PARP15: variants seen among roughly 807,000 people sequenced by gnomAD.
The protein encoded by PARP15 is poly(ADP-ribose) polymerase family member 15.
Under a neutral mutation model 62.1 loss-of-function variants are expected in PARP15, and 50 were observed. The observed-to-expected ratio is 0.81, with a 90% CI of 0.64 to 1.02. The LOEUF (loss-of-function observed/expected upper bound fraction) is 1.02. Ranked by LOEUF, PARP15 falls within the 50% of genes least tolerant of loss-of-function variation. The probability of loss-of-function intolerance (pLI) is 0.00; values close to 1 mark genes in which losing one functional copy is unlikely to be tolerated. For synonymous variants in PARP15, 309 were observed against 293.1 expected, an observed-to-expected ratio of 1.05 and a Z score of -0.55; for missense variants, 820 against 826.5, an observed-to-expected ratio of 0.99 and a Z score of 0.10.
At chr3:122,595,762 AG>A (rs1314362470) in intron 1 of PARP15, among the ~76,000 whole-genome samples, 5 of 152,088 alleles carry the variant, frequency 3.3e-5, no homozygotes, top group Admixed American at 1.3e-4. Context: ...CAAACTCATG[AG>A]CTCTAGCAAT....
At chr3:122,634,894 C>T in intron 10 of PARP15, 126 bp from the exon 11 acceptor site, 6 of 972,996 alleles carry the variant, frequency 6.2e-6, no homozygotes, top group Non-Finnish European at 6.1e-6. Flanking sequence ...TTTTCTTCTC[C>T]TTTTCCTTCA....
chr3:122,622,868 C>T (rs982421770), intron 8 of PARP15, among the ~76,000 whole-genome samples: 5 of 152,208 alleles, frequency 3.3e-5, no homozygotes, highest in African/African-American at 1.2e-4. Context: ...TATGTAGCCA[C>T]AGATTACCAT....
At chr3:122,619,019 T>C (rs561671427) in intron 6 of PARP15, among the ~76,000 whole-genome samples, 5 of 152,192 alleles carry the variant, frequency 3.3e-5, no homozygotes, top group Non-Finnish European at 7.3e-5. Context: ...ATAACACATA[T>C]ATAATCAAGG....
At chr3:122,630,134 G>A (rs1389302568) in intron 9 of PARP15, among the ~76,000 whole-genome samples, 1 of 152,182 alleles carries the variant, frequency 6.6e-6, no homozygotes, top group Non-Finnish European at 1.5e-5. Context: ...TTTTAAAAGG[G>A]TAGTTATCAT....
intron 8 of PARP15, among the ~76,000 whole-genome samples, chr3:122,624,858 G>A (rs1259582521): frequency 1.3e-5 from 2 of 151,982 alleles, no homozygotes; most frequent in Non-Finnish European, 2.9e-5. Context: ...TTCTTTTTCT[G>A]AGATATGTAA....
chr3:122,604,434 C>T (rs1388904369), intron 1 of PARP15, among the ~76,000 whole-genome samples: 2 of 152,144 alleles, frequency 1.3e-5, no homozygotes, highest in African/African-American at 4.8e-5. Context: ...ATAAAGAAAA[C>T]AGACTGGGTG....
chr3:122,635,098 A>C lies in PARP15; in HGVS notation c.1651A>C (p.Lys551Gln), dbSNP rs1433831708. 1 of 1,614,118 alleles carries C rather than the reference A, an allele frequency of 6.2e-7. No homozygotes were observed. The highest frequency in any genetic ancestry group is 1.7e-5 in the Admixed American group (1 of 60,012). The change falls in exon 11 of 12, where the codon AAG becomes CAG. Residue 551 changes from lysine to glutamine, a missense_variant. Around this residue, in one of 3 missense-constraint regions of PARP15, gnomAD observed 731 missense variants for 727.7 expected, o/e 1.00. Transcript: ENST00000464300. Reference protein sequence around the residue: ...KRQMDIKNDHKNNERLLFHGT... With the variant: ...KRQMDIKNDHQNNERLLFHGT... ...GCAAATGGATATCAAGAATGACCAT[A>C]AGAATAATGAGAGACTCCTCTTCCA... is the stretch of plus-strand genomic sequence containing the variant.
chr3:122,587,983 T>A (rs1270796696), intron 1 of PARP15, among the ~76,000 whole-genome samples: 1 of 152,220 alleles, frequency 6.6e-6, no homozygotes, highest in Non-Finnish European at 1.5e-5. Flanking sequence ...TTTTAAGAGT[T>A]CTTTGTATGT....
At chr3:122,602,918 C>T (rs1934908057) in intron 1 of PARP15, among the ~76,000 whole-genome samples, 1 of 152,162 alleles carries the variant, frequency 6.6e-6, no homozygotes, top group African/African-American at 2.4e-5. Flanking sequence ...ACAGTGGTGC[C>T]ATTTTAGGAA....
chr3:122,631,938 G>T, intron 9 of PARP15, 148 bp from the exon 10 acceptor site: 1 of 785,808 alleles, frequency 1.3e-6, no homozygotes, highest in Non-Finnish European at 2.1e-6. Flanking sequence ...ACTCAACTGA[G>T]GATAATAGAA....
At chr3:122,614,707 A>G (rs1935822619) in intron 4 of PARP15, among the ~76,000 whole-genome samples, 2 of 152,176 alleles carry the variant, frequency 1.3e-5, no homozygotes, top group African/African-American at 4.8e-5. Context: ...CTGGAAAGTA[A>G]CTGCCCCAAA....
intron 1 of PARP15, among the ~76,000 whole-genome samples, chr3:122,579,997 A>ATATG (rs1393066830): frequency 3.7e-5 from 2 of 54,432 alleles, no homozygotes; most frequent in African/African-American, 1.1e-4. Flanking sequence ...CAGCAACTAT[A>ATATG]TGTATATATA....
At chr3:122,613,571 T>C (rs1265927776) in intron 4 of PARP15, among the ~76,000 whole-genome samples, 2 of 152,208 alleles carry the variant, frequency 1.3e-5, no homozygotes, top group African/African-American at 4.8e-5. Flanking sequence ...CATGGCTTTA[T>C]CTATGGGGAA....
At chr3:122,629,261 C>T (rs866163139) in intron 9 of PARP15, among the ~76,000 whole-genome samples, 4 of 152,168 alleles carry the variant, frequency 2.6e-5, no homozygotes, top group Admixed American at 2.0e-4. Context: ...CTCCCAGGCT[C>T]AAGCAGTTCT....
At chr3:122,599,268 C>T (rs1327665016) in intron 1 of PARP15, among the ~76,000 whole-genome samples, 3 of 151,764 alleles carry the variant, frequency 2.0e-5, no homozygotes, top group East Asian at 1.9e-4. Context: ...CTTGGGAAGC[C>T]GAGGTGAGAG....
chr3:122,585,768 T>G (rs1248753447), intron 1 of PARP15, among the ~76,000 whole-genome samples: 2 of 152,368 alleles, frequency 1.3e-5, no homozygotes, highest in East Asian at 3.9e-4. Flanking sequence ...ATGGACTCCA[T>G]AAACTGCCAT....
At chr3:122,629,456 C>T (rs1055033331) in intron 9 of PARP15, among the ~76,000 whole-genome samples, 5 of 152,094 alleles carry the variant, frequency 3.3e-5, no homozygotes, top group Non-Finnish European at 5.9e-5. Context: ...AATCCCACCC[C>T]CACAGGTGAG....
At chr3:122,578,953 C>A (rs960599947) in intron 1 of PARP15, among the ~76,000 whole-genome samples, 2 of 152,140 alleles carry the variant, frequency 1.3e-5, no homozygotes, top group Admixed American at 1.3e-4. Context: ...TACTTCATAT[C>A]CTCTTAAGGA....
chr3:122,582,015 CTT>C (rs1445271322), intron 1 of PARP15, among the ~76,000 whole-genome samples: 2 of 152,152 alleles, frequency 1.3e-5, no homozygotes, highest in Non-Finnish European at 2.9e-5. Context: ...GAGAACCAGT[CTT>C]TTATATTTAC....
Sources: allele counts gnomAD v4.1 joint callset (sites outside exome capture counted in the v4.1 genomes callset), GRCh38; gene constraint gnomAD v4.1.1; regional missense constraint gnomAD v4.1.1; transcripts MANE v1.5; gene names NCBI Gene and HGNC (gene_info 2026-07-23, HGNC 2026-07-21).